The following ALDH1A2 variants were observed in gnomAD, a reference collection of about 807,000 sequenced individuals.
The protein encoded by ALDH1A2 is retinal dehydrogenase 2.
Under a neutral mutation model 60.3 loss-of-function variants are expected in ALDH1A2, and 27 were observed. That is an observed-to-expected ratio of 0.45 (90% CI 0.33 to 0.62). The LOEUF (loss-of-function observed/expected upper bound fraction) is 0.62, where lower values mean the gene tolerates loss of function less well. Ranked by LOEUF, ALDH1A2 falls within the 20% of genes least tolerant of loss-of-function variation. The probability of loss-of-function intolerance (pLI) is 0.02; values close to 1 mark genes in which losing one functional copy is unlikely to be tolerated. For synonymous variants in ALDH1A2, 289 were observed against 232.4 expected (o/e 1.24, Z -2.21); for missense variants, 581 against 643.8 (o/e 0.90, Z 1.06).
At chr15:58,050,274 T>G (rs74691593) in intron 1 of ALDH1A2, among the ~76,000 whole-genome samples, 2,555 of 152,226 alleles carry the variant, frequency 0.017, 36 homozygotes, top group Non-Finnish European at 0.024. Context: ...TTTTTGCTTT[T>G]AATGCCAGTT....
At chr15:58,022,415 T>C (rs541597574) in intron 1 of ALDH1A2, among the ~76,000 whole-genome samples, 3 of 152,206 alleles carry the variant, frequency 2.0e-5, no homozygotes, top group East Asian at 3.9e-4. Flanking sequence ...CCATGCACAC[T>C]ACTCAGGATG....
chr15:58,052,884 C>T (rs1001640504), intron 1 of ALDH1A2, among the ~76,000 whole-genome samples: 11 of 152,072 alleles, frequency 7.2e-5, no homozygotes, highest in African/African-American at 2.4e-4. Context: ...TGTGTGTATA[C>T]CTTCTTTAAA....
At chr15:57,959,818 GCTTGAAATTACCAGTGAAA>G (rs2140447386) in intron 12 of ALDH1A2, among the ~76,000 whole-genome samples, 1 of 152,240 alleles carries the variant, frequency 6.6e-6, no homozygotes, top group South Asian at 2.1e-4. Flanking sequence ...TTGCTTGGGA[GCTTGAAATTACCAGTGAAA>G]CTATCTGAAG....
At chr15:57,957,435 C>T (rs1893565811) in intron 12 of ALDH1A2, among the ~76,000 whole-genome samples, 1 of 152,196 alleles carries the variant, frequency 6.6e-6, no homozygotes, top group South Asian at 2.1e-4. Flanking sequence ...GCTCAGAGGT[C>T]ATTGAGCCCT....
At chr15:58,064,806 G>T (rs1897130944) in intron 1 of ALDH1A2, among the ~76,000 whole-genome samples, 1 of 151,204 alleles carries the variant, frequency 6.6e-6, no homozygotes, top group Non-Finnish European at 1.5e-5. Context: ...TTTTTTAGGC[G>T]ATGCAACAAC....
In ALDH1A2 at chr15:58,065,689, A is replaced by AGTGCGGGCT. The variant is rs1355507191; in HGVS notation, c.-48_-40dup. ...GTGTCCCTAGCCCGCGGCGTGGGGC[A>AGTGCGGGCT]GTGCGGGCTGTGCGCGCGGTCCGCG... On this transcript the variant is annotated 5_prime_UTR_variant, in exon 1 of 13. Transcript: ENST00000249750. 1.8e-5 allele frequency: 26 copies of AGTGCGGGCT among 1,435,406 alleles called. No individual in the cohort carries two copies. The Middle Eastern group carries it at 2.1e-3, about 114-fold the overall frequency. 88.9% of individuals were successfully genotyped at this position (1,435,406 alleles called of 1,614,324 possible).
chr15:57,975,008 T>C (rs1413485952), intron 7 of ALDH1A2, among the ~76,000 whole-genome samples: 1 of 152,194 alleles, frequency 6.6e-6, no homozygotes, highest in Non-Finnish European at 1.5e-5. Flanking sequence ...TAAAACCACA[T>C]TGAGACAATG....
chr15:58,065,032 C>A (rs1566965859), intron 1 of ALDH1A2, among the ~76,000 whole-genome samples: 2 of 152,238 alleles, frequency 1.3e-5, no homozygotes, highest in South Asian at 2.1e-4. Context: ...CCGGCCAGAG[C>A]GCTGGTGTCT....
intron 1 of ALDH1A2, among the ~76,000 whole-genome samples, chr15:58,048,808 T>A (rs1896700285): frequency 6.6e-6 from 1 of 151,980 alleles, no homozygotes; most frequent in Non-Finnish European, 1.5e-5. Context: ...ACTCTATTTT[T>A]TAAATGTTTA....
chr15:57,989,999 CAAAAAAAA>C (rs1229267241), intron 7 of ALDH1A2, among the ~76,000 whole-genome samples: 2 of 25,432 alleles, frequency 7.9e-5, no homozygotes, highest in Non-Finnish European at 2.1e-4. Context: ...GACTCCGTCT[CAAAAAAAA>C]AAAAAAAAAA....
At chr15:58,010,270 T>C (rs1278192318) in intron 4 of ALDH1A2, among the ~76,000 whole-genome samples, 5 of 152,032 alleles carry the variant, frequency 3.3e-5, no homozygotes, top group South Asian at 2.1e-4. Flanking sequence ...AGATCTTATA[T>C]GTTTCAGGAG....
At position 58,065,653 on chromosome 15, in the gene ALDH1A2, T is replaced by TGGC. The variant is rs1897159618; in HGVS notation, c.-6_-4dup. ...ATCTCTATCTTGCTGGAAGTCATGG[T>TGGC]GGCGGGCCGGGTGTCCCTAGCCCGC... On this transcript the variant is annotated 5_prime_UTR_variant, in exon 1 of 13. Coordinates refer to ENST00000249750, the MANE Select transcript of ALDH1A2 (RefSeq NM_003888.4). 6.3e-7 allele frequency: 1 copy of TGGC among 1,585,978 alleles called. No homozygotes were observed. Among genetic ancestry groups the TGGC allele is most frequent in the Non-Finnish European group, 8.6e-7 (1 of 1,164,980 alleles).
At chr15:57,999,915 G>A (rs1477804504) in intron 4 of ALDH1A2, among the ~76,000 whole-genome samples, 1 of 151,928 alleles carries the variant, frequency 6.6e-6, no homozygotes, top group African/African-American at 2.4e-5. Context: ...CCTTTGCAGG[G>A]ACAATAGATG....
At position 58,026,552 on chromosome 15, in the gene ALDH1A2, C is replaced by T. The variant is rs546009515; in HGVS notation, c.118-12271G>A. Among the ~76,000 whole-genome samples the T allele has an allele frequency of 3.2e-4, 49 of 152,248 alleles. 1 individual carries two copies. In the South Asian group the frequency reaches 7.5e-3, roughly 23 times the overall value. On this transcript the variant is annotated intron_variant, in intron 1 of 12. Transcript: ENST00000249750. ...GTGCAGCCCACAGAGGGTGAGCCAA[C>T]GCAGGGTGGGACATCACCTCACCCA...
chr15:58,065,156 G>T (rs1247410707), intron 1 of ALDH1A2: 10 of 294,906 alleles, frequency 3.4e-5, no homozygotes, highest in Non-Finnish European at 6.6e-5. Context: ...CGGCCAGGCT[G>T]CGTGGCCAAG....
At chr15:58,024,320 C>T (rs1220872601) in intron 1 of ALDH1A2, among the ~76,000 whole-genome samples, 1 of 151,780 alleles carries the variant, frequency 6.6e-6, no homozygotes, top group Non-Finnish European at 1.5e-5. Flanking sequence ...TTTATACTGC[C>T]TAGAAGAAAC....
chr15:58,056,090 T>C (rs1274305053), intron 1 of ALDH1A2, among the ~76,000 whole-genome samples: 2 of 152,144 alleles, frequency 1.3e-5, no homozygotes, highest in African/African-American at 2.4e-5. Flanking sequence ...TAAGTACTTA[T>C]TCTGTTCCAG....
At chr15:57,977,262 C>T (rs1410779348) in intron 7 of ALDH1A2, among the ~76,000 whole-genome samples, 2 of 152,124 alleles carry the variant, frequency 1.3e-5, no homozygotes, top group Non-Finnish European at 2.9e-5. Flanking sequence ...TTAATTAGAT[C>T]CCGTTTGTCA....
chr15:57,960,159 ATTAGTT>A (rs1479875918), intron 12 of ALDH1A2, among the ~76,000 whole-genome samples: 1 of 152,094 alleles, frequency 6.6e-6, no homozygotes, highest in African/African-American at 2.4e-5. Context: ...TTTCAATGTT[ATTAGTT>A]TTATTTACCC....
Sources: gnomAD v4.1 joint callset for allele counts (sites outside exome capture counted in the v4.1 genomes callset) on GRCh38, gnomAD v4.1.1 for gene constraint, MANE v1.5 for transcripts, NCBI Gene and HGNC (gene_info 2026-07-23, HGNC 2026-07-21) for gene names.